Variants in GRM5 observed in about 807,000 individuals in gnomAD.
GRM5 encodes glutamate metabotropic receptor 5, also known as metabotropic glutamate receptor 5.
A neutral mutation model predicts 83.1 loss-of-function variants in GRM5; 19 were observed. The observed-to-expected ratio is 0.23, with a 90% confidence interval of 0.16 to 0.34. GRM5 has a LOEUF of 0.34. Ranked by LOEUF, GRM5 falls within the 10% of genes least tolerant of loss-of-function variation. The pLI is 1.00. For synonymous variants in GRM5, 675 were observed against 633.6 expected, an observed-to-expected ratio of 1.07 and a Z score of -0.98; for missense variants, 1,160 against 1,588.3, an observed-to-expected ratio of 0.73 and a Z score of 4.58.
chr11:88,885,450 G>GTT lies in GRM5; in HGVS notation c.662-35297_662-35296dup, dbSNP rs61456975. On this transcript the variant is annotated intron_variant, in intron 2 of 9. Coordinates refer to ENST00000305447, the MANE Select transcript of GRM5 (RefSeq NM_001143831.3). ...TTCTGAATTCTATAGTAGGTACCAT[G>GTT]TTTTTTTTTTTTTTTTTTTTTTTTT... is the stretch of plus-strand genomic sequence containing the variant. Among the ~76,000 whole-genome samples, 9 of 62,664 alleles carry GTT rather than the reference G, an allele frequency of 1.4e-4. 1 individual carries two copies. The highest frequency in any genetic ancestry group is 5.3e-4 in the African/African-American group (9 of 16,892). The allele number at this position is 62,664 out of a possible 152,430, so 41.1% of individuals were successfully genotyped here.
intron 3 of GRM5, among the ~76,000 whole-genome samples, chr11:88,796,623 A>G (rs1013338902): frequency 5.9e-5 from 9 of 152,156 alleles, no homozygotes; most frequent in Non-Finnish European, 1.0e-4. Flanking sequence ...TGATATTTTC[A>G]TGACTGATTT....
chr11:89,046,986 G>T (rs10741300), intron 2 of GRM5, among the ~76,000 whole-genome samples: 144,513 of 152,250 alleles, frequency 0.95, 68,650 homozygotes, highest in East Asian at 1. Flanking sequence ...AATTCACAAT[G>T]AAAACAAAAT....
chr11:88,808,099 TG>T (rs1943527406), intron 3 of GRM5, among the ~76,000 whole-genome samples: 1 of 152,028 alleles, frequency 6.6e-6, no homozygotes, highest in Non-Finnish European at 1.5e-5. Context: ...GTGTATGTGA[TG>T]GTATATATAT....
rs527468121 is a variant in GRM5 at position 89,063,320 on chromosome 11, C to T, written c.-201+2456G>A. ...CCCAACAGGTTTAATTAAGGCTGTT[C>T]GCAAATGGAACAGACTTGAATCTTG... On this transcript the variant is annotated intron_variant, in intron 1 of 9. Transcript: ENST00000305447. Among the ~76,000 whole-genome samples the T allele has an allele frequency of 1.1e-4, 16 of 152,270 alleles. No homozygotes were observed. In the East Asian group the frequency reaches 2.3e-3, roughly 22 times the overall value.
intron 2 of GRM5, among the ~76,000 whole-genome samples, chr11:88,987,140 C>T (rs1939747762): frequency 6.6e-6 from 1 of 152,044 alleles, no homozygotes. Context: ...GGGCGCAGGT[C>T]AGTGGGTGCG....
intron 9 of GRM5, among the ~76,000 whole-genome samples, chr11:88,519,013 C>A (rs1252375293): frequency 1.4e-5 from 2 of 146,320 alleles, no homozygotes; most frequent in Admixed American, 1.4e-4. Flanking sequence ...TGAGAAGACA[C>A]AGGCAACTAG....
intron 3 of GRM5, among the ~76,000 whole-genome samples, chr11:88,834,982 T>C (rs530895834): frequency 0.026 from 3,898 of 151,910 alleles, 171 homozygotes; most frequent in African/African-American, 0.089. Flanking sequence ...CTGCCATTTT[T>C]CCCCCCCTGC....
At chr11:88,998,913 G>C (rs558740813) in intron 2 of GRM5, among the ~76,000 whole-genome samples, 39 of 152,100 alleles carry the variant, frequency 2.6e-4, no homozygotes, top group Non-Finnish European at 4.9e-4. Flanking sequence ...CATATGGAAA[G>C]GTAAAGGAAC....
intron 3 of GRM5, among the ~76,000 whole-genome samples, chr11:88,791,938 G>GA (rs1207012248): frequency 6.6e-6 from 1 of 152,090 alleles, no homozygotes; most frequent in Non-Finnish European, 1.5e-5. Flanking sequence ...TAGCTTAGCT[G>GA]AAAAAAGAGT....
chr11:88,940,941 CAT>C (rs1300211943), intron 2 of GRM5, among the ~76,000 whole-genome samples: 2 of 151,978 alleles, frequency 1.3e-5, no homozygotes, highest in African/African-American at 4.8e-5. Flanking sequence ...CATGTGCACT[CAT>C]ATGTGACAAT....
At chr11:88,822,562 G>C (rs1943817582) in intron 3 of GRM5, among the ~76,000 whole-genome samples, 1 of 152,188 alleles carries the variant, frequency 6.6e-6, no homozygotes, top group Non-Finnish European at 1.5e-5. Flanking sequence ...GCAGAGAAGA[G>C]CTTGGCATAT....
At chr11:88,834,800 A>G (rs186741075) in intron 3 of GRM5, among the ~76,000 whole-genome samples, 18 of 152,324 alleles carry the variant, frequency 1.2e-4, no homozygotes, top group African/African-American at 4.3e-4. Flanking sequence ...TCATAAACTC[A>G]TGGGGAGGGT....
At chr11:88,650,713 A>C (rs572859017) in intron 4 of GRM5, among the ~76,000 whole-genome samples, 1 of 152,170 alleles carries the variant, frequency 6.6e-6, no homozygotes, top group South Asian at 2.1e-4. Flanking sequence ...TTTTCCTTGT[A>C]TCTTTGAACT....
intron 2 of GRM5, among the ~76,000 whole-genome samples, chr11:88,868,943 G>A (rs11826246): frequency 0.11 from 17,070 of 151,654 alleles, 1,563 homozygotes; most frequent in African/African-American, 0.23. Flanking sequence ...TGCTGCTGAT[G>A]AAATCCCACG....
At chr11:89,060,285 T>TACACAC (rs36002872) in intron 1 of GRM5, among the ~76,000 whole-genome samples, 6 of 80,910 alleles carry the variant, frequency 7.4e-5, no homozygotes, top group African/African-American at 1.8e-4. Context: ...TATATATATA[T>TACACAC]ACACACACAC....
chr11:88,751,090 A>AAAAAAAAT (rs1942264086), intron 3 of GRM5, among the ~76,000 whole-genome samples: 2 of 140,448 alleles, frequency 1.4e-5, no homozygotes, highest in Non-Finnish European at 1.6e-5. Context: ...AAAAAAAAAA[A>AAAAAAAAT]AAAAACAAAG....
chr11:88,973,574 A>C (rs1939234308), intron 2 of GRM5, among the ~76,000 whole-genome samples: 1 of 152,132 alleles, frequency 6.6e-6, no homozygotes. Context: ...AGTTGAAAGA[A>C]GCAAGGAACA....
At chr11:88,592,906 C>T (rs1203338921) in intron 6 of GRM5, among the ~76,000 whole-genome samples, 1 of 152,050 alleles carries the variant, frequency 6.6e-6, no homozygotes, top group Non-Finnish European at 1.5e-5. Flanking sequence ...CTTGACCTCC[C>T]CAGCCCAAGA....
At chr11:88,513,102 T>C (rs1941424549) in intron 9 of GRM5, among the ~76,000 whole-genome samples, 1 of 152,198 alleles carries the variant, frequency 6.6e-6, no homozygotes, top group African/African-American at 2.4e-5. Context: ...CTTTTTTTCT[T>C]ATTTTATTTT....
Sources: gnomAD v4.1 joint callset for allele counts (sites outside exome capture counted in the v4.1 genomes callset) on GRCh38, gnomAD v4.1.1 for gene constraint, MANE v1.5 for transcripts, NCBI Gene and HGNC (gene_info 2026-07-23, HGNC 2026-07-21) for gene names.